UBR3: variants seen among roughly 807,000 people sequenced by gnomAD.
The protein encoded by UBR3 is ubiquitin protein ligase E3 component n-recognin 3, also known as E3 ubiquitin-protein ligase UBR3.
Under a neutral mutation model 243.2 loss-of-function variants are expected in UBR3, and 85 were observed. The observed-to-expected ratio is 0.35, with a 90% CI of 0.29 to 0.42. UBR3 has a LOEUF of 0.42. UBR3 is among the 10% of genes least tolerant of loss of function. The pLI is 1.00. For synonymous variants in UBR3, 748 were observed against 799.8 expected, an observed-to-expected ratio of 0.94 and a Z score of 1.09; for missense variants, 1,686 against 2,300.8, an observed-to-expected ratio of 0.73 and a Z score of 5.47.
At chr2:169,833,653 A>C (rs1048501520) in intron 1 of UBR3, among the ~76,000 whole-genome samples, 2 of 152,206 alleles carry the variant, frequency 1.3e-5, no homozygotes, top group Non-Finnish European at 2.9e-5. Context: ...ATTATAACAT[A>C]AAAATAAGTG....
At chr2:169,985,164 G>C (rs894874288) in intron 24 of UBR3, among the ~76,000 whole-genome samples, 3 of 150,726 alleles carry the variant, frequency 2.0e-5, no homozygotes, top group Non-Finnish European at 3.0e-5. Context: ...TCTTTTTTCT[G>C]CATGGTTTTC....
intron 24 of UBR3, chr2:169,964,529 G>A: frequency 2.2e-6 from 1 of 450,292 alleles, no homozygotes; most frequent in Non-Finnish European, 4.5e-6. Context: ...AAGAATGGAT[G>A]GAGATAGAGG....
intron 5 of UBR3, 26 bp downstream of exon 5, chr2:169,878,600 T>TAA (rs1481573413): frequency 6.5e-7 from 1 of 1,541,524 alleles, no homozygotes; most frequent in Non-Finnish European, 8.8e-7. Flanking sequence ...CAAAACTTTT[T>TAA]AAAAAGTACA....
intron 38 of UBR3, among the ~76,000 whole-genome samples, chr2:170,081,392 C>T (rs1160108329): frequency 1.3e-5 from 2 of 151,738 alleles, no homozygotes; most frequent in Non-Finnish European, 2.9e-5. Context: ...CCCAGCTACT[C>T]TAGAGGCTGA....
chr2:170,070,814 T>C (rs1007517418), intron 35 of UBR3, among the ~76,000 whole-genome samples: 1 of 152,174 alleles, frequency 6.6e-6, no homozygotes, highest in African/African-American at 2.4e-5. Flanking sequence ...GAATTGTATA[T>C]ATTAAAAGAG....
At chr2:170,007,873 A>G (rs2089970193) in intron 28 of UBR3, among the ~76,000 whole-genome samples, 1 of 152,080 alleles carries the variant, frequency 6.6e-6, no homozygotes, top group Non-Finnish European at 1.5e-5. Context: ...CAAAATAAAA[A>G]AGATGTTGAA....
chr2:170,048,153 CT>C (rs1278216988), intron 32 of UBR3, among the ~76,000 whole-genome samples: 26 of 152,126 alleles, frequency 1.7e-4, no homozygotes, highest in Admixed American at 1.7e-3. Context: ...GAACGATATT[CT>C]TTAGGATCAT....
chr2:169,897,284 T>G (rs1272192588), intron 8 of UBR3, among the ~76,000 whole-genome samples: 1 of 152,090 alleles, frequency 6.6e-6, no homozygotes, highest in Non-Finnish European at 1.5e-5. Context: ...GGATAAATCT[T>G]GCCTTTACTC....
intron 20 of UBR3, 64 bp from the exon 21 acceptor site, chr2:169,946,224 T>C (rs2086789216): frequency 4.4e-6 from 4 of 916,558 alleles, no homozygotes; most frequent in Non-Finnish European, 6.5e-6. Flanking sequence ...TATTTTTGGA[T>C]CTCTAAATGA....
rs1013434101 is a variant in UBR3, at chr2:169,898,198, A to G, written c.1465+1463A>G. On this transcript the variant is annotated intron_variant, in intron 8 of 38. Coordinates refer to ENST00000272793, the MANE Select transcript of UBR3 (RefSeq NM_172070.4). The stretch of plus-strand genomic sequence containing the variant: ...ATTCTCTGAGGAGGAGAAATCTTAT[A>G]GTTGAGCCTTGCTTTGTTCCACTCT... Among the ~76,000 whole-genome samples, 16 of 152,182 alleles carry G rather than the reference A, an allele frequency of 1.1e-4. 1 individual carries two copies. Among genetic ancestry groups the G allele is most frequent in the Admixed American group, 1.0e-3 (16 of 15,278 alleles).
chr2:169,987,392 C>CAAAAAAAAAA (rs563664122), intron 25 of UBR3, among the ~76,000 whole-genome samples: 2 of 65,988 alleles, frequency 3.0e-5, no homozygotes, highest in Non-Finnish European at 3.3e-5. Flanking sequence ...GACTCTGTCT[C>CAAAAAAAAAA]AAAAAAAAAA....
At chr2:169,891,773 T>C (rs2084387567) in intron 6 of UBR3, among the ~76,000 whole-genome samples, 1 of 152,202 alleles carries the variant, frequency 6.6e-6, no homozygotes, top group Non-Finnish European at 1.5e-5. Flanking sequence ...GTAATATTTA[T>C]TGAACCTTTT....
intron 20 of UBR3, among the ~76,000 whole-genome samples, chr2:169,943,922 A>G (rs1040295609): frequency 6.6e-5 from 10 of 152,088 alleles, no homozygotes; most frequent in African/African-American, 2.4e-4. Flanking sequence ...TCTTCCTTTC[A>G]ACCCTACCCG....
chr2:169,888,108 AC>A (rs2084179381), intron 5 of UBR3, among the ~76,000 whole-genome samples: 2 of 121,002 alleles, frequency 1.7e-5, no homozygotes, highest in African/African-American at 6.4e-5. Flanking sequence ...CTGTGTTATG[AC>A]TTTATTTATT....
At chr2:169,920,276 C>T (rs565938314) in intron 11 of UBR3, among the ~76,000 whole-genome samples, 16 of 151,886 alleles carry the variant, frequency 1.1e-4, no homozygotes, top group South Asian at 2.1e-4. Context: ...TGAGAACACA[C>T]GGACACAGGA....
intron 24 of UBR3, among the ~76,000 whole-genome samples, chr2:169,972,636 G>T (rs1049088980): frequency 1.3e-5 from 2 of 152,198 alleles, no homozygotes; most frequent in Non-Finnish European, 2.9e-5. Context: ...ATGTAATCCA[G>T]CGTATAAGCA....
At chr2:170,059,396 G>A (rs1194489073) in intron 33 of UBR3, among the ~76,000 whole-genome samples, 1 of 152,128 alleles carries the variant, frequency 6.6e-6, no homozygotes, top group Admixed American at 6.5e-5. Context: ...CTTTTAGACT[G>A]AATTGTACAT....
At chr2:170,030,228 C>T (rs2090633531) in intron 31 of UBR3, among the ~76,000 whole-genome samples, 1 of 152,092 alleles carries the variant, frequency 6.6e-6, no homozygotes, top group South Asian at 2.1e-4. Context: ...ATCATATCCT[C>T]ACTTTCTGGT....
At chr2:169,896,104 C>T (rs892920577) in intron 7 of UBR3, among the ~76,000 whole-genome samples, 3 of 152,030 alleles carry the variant, frequency 2.0e-5, no homozygotes, top group African/African-American at 7.2e-5. Flanking sequence ...TGAGATCAGT[C>T]TGGCCAAACC....
Sources: gnomAD v4.1 joint callset for allele counts (sites outside exome capture counted in the v4.1 genomes callset) on GRCh38, gnomAD v4.1.1 for gene constraint, MANE v1.5 for transcripts, NCBI Gene and HGNC (gene_info 2026-07-23, HGNC 2026-07-21) for gene names.